ARRDC1: variants seen among roughly 807,000 people sequenced by gnomAD.
ARRDC1 encodes the protein arrestin domain-containing protein 1.
ARRDC1 carries 37 observed loss-of-function variants against 40.1 expected under a neutral mutation model. The ratio of observed to expected loss-of-function variants is 0.92; its 90% CI spans 0.71 to 1.21. The LOEUF is 1.21. Among genes scored for constraint, ARRDC1 ranks in the 50% most tolerant of loss-of-function variants. ARRDC1 has a pLI of 0.00. For missense variants in ARRDC1, 641 were observed against 581.9 expected (o/e 1.10, Z -1.04); for synonymous variants, 310 against 262.5 (o/e 1.18, Z -1.75).
chr9:137,613,078 TCCTCCCCCTTTCCTAGATCTG>T (rs762406217), intron 2 of ARRDC1, 72 bp downstream of exon 2: 1 of 1,147,796 alleles, frequency 8.7e-7, no homozygotes, highest in Admixed American at 1.9e-5. Context: ...GTCTGTCCTG[TCCTCCCCCTTTCCTAGATCTG>T]CCTCTTGGAT....
Position 137,615,283 on chromosome 9 carries a change from C to T in ARRDC1, c.*145C>T. On this transcript the variant is annotated 3_prime_UTR_variant, in exon 8 of 8. Transcript: ENST00000371421. Reference sequence around the variant, plus strand: ...CTCCTCTGGCATCCGCCCTCTTCTCCCTGGGGCTGGGGTGGGGGTGGCAGG... The same window carrying T: ...CTCCTCTGGCATCCGCCCTCTTCTCTCTGGGGCTGGGGTGGGGGTGGCAGG... 5 of 784,274 alleles carry T rather than the reference C, an allele frequency of 6.4e-6. No individual in the cohort carries two copies. Among genetic ancestry groups the T allele is most frequent in the South Asian group, 2.3e-5 (1 of 43,476 alleles). The allele number at this position is 784,274 out of a possible 1,614,324, so 48.6% of individuals were successfully genotyped here.
At chr9:137,607,458 C>T (rs559687573) in intron 1 of ARRDC1, among the ~76,000 whole-genome samples, 4 of 152,310 alleles carry the variant, frequency 2.6e-5, no homozygotes, top group East Asian at 3.9e-4. Flanking sequence ...AGGGCTGACG[C>T]GGAGGGAGGC....
Position 137,605,812 on chromosome 9 carries a change from TG to T in ARRDC1, c.100del (p.Ala34HisfsTer10), listed in dbSNP as rs1250905661. 26 of 1,279,908 alleles carry T rather than the reference TG, an allele frequency of 2.0e-5. No individual in the cohort carries two copies. Among genetic ancestry groups the T allele is most frequent in the South Asian group, 4.8e-5 (2 of 41,426 alleles). 79.3% of individuals were successfully genotyped at this position (1,279,908 alleles called of 1,614,324 possible). The stretch of plus-strand genomic sequence containing the variant: ...TTGGCTGGGACCGTGCGCGTGCGCC[TG>T]GGGGCACCGCTGCCGTTCCGAGGTG... Reference protein sequence around the residue: ...EPLAGTVRVRLGAPLPFRAIR... With the variant: ...EPLAGTVRVRXGAPLPFRAIR... On this transcript the variant is annotated frameshift_variant, in exon 1 of 8. Transcript: ENST00000371421. LOFTEE classifies it high-confidence loss of function.
At chr9:137,612,821 G>A (rs1342462607) in intron 1 of ARRDC1, 75 bp from the exon 2 acceptor site, 21 of 1,217,560 alleles carry the variant, frequency 1.7e-5, no homozygotes, top group East Asian at 9.7e-5. Context: ...GCCCCAGGTC[G>A]AATTCCTGTG....
intron 1 of ARRDC1, among the ~76,000 whole-genome samples, chr9:137,607,228 C>T (rs1034746074): frequency 2.6e-5 from 4 of 152,232 alleles, no homozygotes; most frequent in South Asian, 2.1e-4. Context: ...ACCGGGGCCC[C>T]CGGGGGTTTC....
Position 137,614,559 on chromosome 9 carries a change from G to T in ARRDC1, c.796G>T (p.Val266Phe). ...SLIHIDYYLQ[V>F]SLKAPEATVT... ...CATGCCCCACCTCAATCCTGTCCAG[G>T]TCTCTCTGAAGGCGCCGGAAGCTAC... The change falls in exon 7 of 8, where the codon GTC becomes TTC. Residue 266 changes from valine (V) to phenylalanine (F), a missense_variant and splice_region_variant. Transcript: ENST00000371421. 6.2e-7 allele frequency: 1 copy of T among 1,613,044 alleles called. No individual in the cohort carries two copies. The highest frequency in any genetic ancestry group is 8.5e-7 in the Non-Finnish European group (1 of 1,179,924).
chr9:137,608,652 C>T (rs571810363), intron 1 of ARRDC1, among the ~76,000 whole-genome samples: 1 of 152,382 alleles, frequency 6.6e-6, no homozygotes, highest in South Asian at 2.1e-4. Flanking sequence ...AGAAACATGG[C>T]CGCTGCCATT....
intron 1 of ARRDC1, among the ~76,000 whole-genome samples, chr9:137,609,470 G>C (rs1429990282): frequency 6.6e-6 from 1 of 152,068 alleles, no homozygotes; most frequent in East Asian, 1.9e-4. Context: ...CGAACCTCAG[G>C]TGATCCGCCC....
intron 1 of ARRDC1, among the ~76,000 whole-genome samples, chr9:137,606,389 GGTGAGGCTGCCTCTGCCCGGCCCTTGGCT>G (rs894311620): frequency 1.3e-5 from 2 of 152,186 alleles, no homozygotes; most frequent in African/African-American, 4.8e-5. Flanking sequence ...CGGCCCGCGA[GGTGAGGCTGCCTCTGCCCGGCCCTTGGCT>G]GTGAGTGCCG....
chr9:137,608,052 G>C (rs527787757), intron 1 of ARRDC1, among the ~76,000 whole-genome samples: 4 of 152,112 alleles, frequency 2.6e-5, no homozygotes, highest in African/African-American at 9.6e-5. Flanking sequence ...GCGCGATCTC[G>C]GCTCACTGCA....
In ARRDC1 at chr9:137,612,776, G is replaced by A. The variant is rs961013070; in HGVS notation, c.119-120G>A. On this transcript the variant is annotated intron_variant, in intron 1 of 7. Coordinates refer to ENST00000371421, the MANE Select transcript of ARRDC1 (RefSeq NM_152285.4). Reference sequence around the variant, plus strand: ...AGTGGCATGGGCTGCTTGCTCACTGGCCTTCCCAGGACCCTGCCCAGGTGG... The same window carrying A: ...AGTGGCATGGGCTGCTTGCTCACTGACCTTCCCAGGACCCTGCCCAGGTGG... 17 of 696,552 alleles carry A rather than the reference G, an allele frequency of 2.4e-5. No individual in the cohort carries two copies. The South Asian group carries it at 2.9e-4, about 12-fold the overall frequency. The allele number at this position is 696,552 out of a possible 1,614,324, so 43.1% of individuals were successfully genotyped here.
intron 2 of ARRDC1, 97 bp downstream of exon 2, chr9:137,613,103 C>G: frequency 1.0e-6 from 1 of 985,864 alleles, no homozygotes; most frequent in South Asian, 1.4e-5. Flanking sequence ...AGATCTGCCT[C>G]TTGGATCTGG....
At chr9:137,609,030 G>C (rs940677418) in intron 1 of ARRDC1, among the ~76,000 whole-genome samples, 9 of 152,170 alleles carry the variant, frequency 5.9e-5, no homozygotes, top group Admixed American at 4.6e-4. Context: ...CGGTTTTCGC[G>C]ATGCTTTGCT....
Position 137,614,460 on chromosome 9 carries a change from C to T in ARRDC1, c.780C>T (p.Ile260=), listed in dbSNP as rs1332428272. ...TGCCGGGCTGCAGCCTCATCCACATCGACTACTACTTACAGGTTTGGTGCT... is the reference window on the plus strand; with the variant it reads ...TGCCGGGCTGCAGCCTCATCCACATTGACTACTACTTACAGGTTTGGTGCT... ...SALPGCSLIH[I]DYYLQVSLKA... The change falls in exon 6 of 8, where the codon ATC becomes ATT. Residue 260 remains isoleucine, a synonymous_variant. Transcript: ENST00000371421. 8.1e-6 allele frequency: 13 copies of T among 1,613,414 alleles called. No homozygotes were observed. In the South Asian group the frequency reaches 1.1e-4, roughly 14 times the overall value.
intron 1 of ARRDC1, among the ~76,000 whole-genome samples, chr9:137,609,132 A>G (rs1413434280): frequency 6.6e-6 from 1 of 152,190 alleles, no homozygotes; most frequent in African/African-American, 2.4e-5. Context: ...GTAAAATTAC[A>G]GTAGACCTGT....
intron 2 of ARRDC1, 28 bp downstream of exon 2, chr9:137,613,034 G>A (rs1439301952): frequency 1.9e-6 from 3 of 1,567,822 alleles, no homozygotes; most frequent in South Asian, 2.2e-5. Flanking sequence ...TTCCCGAGTG[G>A]TGACCCCTGG....
intron 1 of ARRDC1, among the ~76,000 whole-genome samples, chr9:137,608,242 A>G (rs905843124): frequency 1.3e-5 from 2 of 152,146 alleles, no homozygotes; most frequent in Non-Finnish European, 2.9e-5. Flanking sequence ...CGGCCTCCCA[A>G]AGTGCTGGGA....
intron 2 of ARRDC1, 82 bp downstream of exon 2, chr9:137,613,088 T>C: frequency 1.9e-6 from 2 of 1,067,070 alleles, no homozygotes. Flanking sequence ...TCCTCCCCCT[T>C]TCCTAGATCT....
rs1444141127 is a variant in ARRDC1 at position 137,613,464 on chromosome 9, C to T, written c.234C>T (p.Ser78=). The T allele has an allele frequency of 1.7e-5, 27 of 1,611,738 alleles. No homozygotes were observed. Among genetic ancestry groups the T allele is most frequent in the Non-Finnish European group, 2.2e-5 (26 of 1,179,744 alleles). Residue 78 remains serine, a synonymous_variant, in exon 3 of 8, where the codon AGC becomes AGT. Transcript: ENST00000371421. ...ACCTCCCTCCTGTCTCTGCAGGGAG[C>T]CTGCCCGCTGGAGAGCACAGCTTCC... The part of the protein sequence containing the change: ...NSSLSLADKG[S]LPAGEHSFPF...
Sources: allele counts gnomAD v4.1 joint callset (sites outside exome capture counted in the v4.1 genomes callset), GRCh38; gene constraint gnomAD v4.1.1; transcripts MANE v1.5; gene names NCBI Gene and HGNC (gene_info 2026-07-23, HGNC 2026-07-21).